The following TRAK1 variants were observed in gnomAD, a reference collection of about 807,000 sequenced individuals.
TRAK1 encodes trafficking kinesin-binding protein 1.
In TRAK1, 33 loss-of-function variants were observed where a neutral mutation model predicts 92.1. That is an observed-to-expected ratio of 0.36 (90% confidence interval 0.27 to 0.48). The LOEUF (loss-of-function observed/expected upper bound fraction) is 0.48, where lower values mean the gene tolerates loss of function less well. Ranked by LOEUF, TRAK1 falls within the 20% of genes least tolerant of loss-of-function variation. TRAK1 has a pLI of 0.99. For synonymous variants in TRAK1, 521 were observed against 517.3 expected, an observed-to-expected ratio of 1.01 and a Z score of -0.10; for missense variants, 1,123 against 1,257.9, an observed-to-expected ratio of 0.89 and a Z score of 1.62.
chr3:42,086,582 G>A (rs1576278973), upstream of TRAK1, among the ~76,000 whole-genome samples: 1 of 152,130 alleles, frequency 6.6e-6, no homozygotes, highest in East Asian at 1.9e-4. Context: ...CTCTCAAGGT[G>A]CTGGGATTAC....
At chr3:42,034,318 G>A (rs1702251413) in intron 1 of TRAK1, among the ~76,000 whole-genome samples, 1 of 152,150 alleles carries the variant, frequency 6.6e-6, no homozygotes, top group Admixed American at 6.5e-5. Context: ...TTGAGACAGA[G>A]TCTCACTGTG....
chr3:42,065,183 T>C (rs956940588), intron 1 of TRAK1, among the ~76,000 whole-genome samples: 1 of 152,152 alleles, frequency 6.6e-6, no homozygotes, highest in Non-Finnish European at 1.5e-5. Flanking sequence ...ACCTGGAAGG[T>C]GGAGGTTGCA....
At chr3:42,080,710 C>T (rs1392333791) in intron 1 of TRAK1, among the ~76,000 whole-genome samples, 2 of 152,304 alleles carry the variant, frequency 1.3e-5, no homozygotes, top group Admixed American at 1.3e-4. Flanking sequence ...AAGATTGTCA[C>T]CTTTGCCCTA....
intron 14 of TRAK1, chr3:42,218,371 T>G: frequency 3.1e-6 from 3 of 975,162 alleles, no homozygotes; most frequent in Non-Finnish European, 3.6e-6. Context: ...CTTTGAATCC[T>G]CATGGCCTCT....
At chr3:42,194,718 G>C in intron 9 of TRAK1, 86 bp from the exon 10 acceptor site, 1 of 1,514,078 alleles carries the variant, frequency 6.6e-7, no homozygotes. Flanking sequence ...TTAGATTGCT[G>C]TGTCTTTCTG....
intron 2 of TRAK1, among the ~76,000 whole-genome samples, chr3:42,129,017 A>C (rs1016337238): frequency 2.6e-5 from 4 of 152,166 alleles, no homozygotes; most frequent in African/African-American, 7.2e-5. Context: ...GAGTTTTTCA[A>C]GTTTTAGATG....
intron 7 of TRAK1, among the ~76,000 whole-genome samples, chr3:42,192,491 G>GTCAAAGTACCAAGTATTTTGCATTTCA (rs1705955833): frequency 1.3e-5 from 2 of 151,788 alleles, no homozygotes; most frequent in South Asian, 2.1e-4. Context: ...TTTGCATTTC[G>GTCAAAGTACCAAGTATTTTGCATTTCA]TCAAAGTACT....
chr3:42,199,397 G>T (rs2149462083), intron 11 of TRAK1, 144 bp downstream of exon 11: 1 of 707,562 alleles, frequency 1.4e-6, no homozygotes, highest in East Asian at 2.7e-5. Context: ...GGAAATAATA[G>T]AACACAGCTG....
chr3:42,027,351 G>A (rs1408012874), intron 1 of TRAK1, among the ~76,000 whole-genome samples: 5 of 151,938 alleles, frequency 3.3e-5, no homozygotes, highest in Non-Finnish European at 7.4e-5. Flanking sequence ...GTGAAACCCC[G>A]TCTCTACTAA....
At chr3:42,199,156 T>C in intron 10 of TRAK1, 21 bp from the exon 11 acceptor site, 1 of 1,613,010 alleles carries the variant, frequency 6.2e-7, no homozygotes, top group Non-Finnish European at 8.5e-7. Context: ...ACTTGACATT[T>C]GTCTTTCTGG....
chr3:42,113,961 C>T (rs1157793916), intron 1 of TRAK1, among the ~76,000 whole-genome samples: 1 of 152,184 alleles, frequency 6.6e-6, no homozygotes, highest in Non-Finnish European at 1.5e-5. Context: ...AAGGAAACCA[C>T]CTCCCCATTA....
intron 2 of TRAK1, among the ~76,000 whole-genome samples, chr3:42,139,672 TTGAG>T (rs1698416799): frequency 6.6e-6 from 1 of 152,188 alleles, no homozygotes; most frequent in Admixed American, 6.5e-5. Flanking sequence ...GATTCCAATG[TTGAG>T]TATTTATTTT....
chr3:42,176,860 C>T lies in TRAK1; in HGVS notation c.333C>T (p.Asp111=), dbSNP rs368078209. ...GCCAGATGACTAAGACATATAATGA[C>T]ATAGATGCTGTCACTCGGCTTCTTG... The part of the protein sequence containing the change: ...RVGQMTKTYN[D]IDAVTRLLEE... The change falls in exon 3 of 16, where the codon GAC becomes GAT. Residue 111 remains aspartate, a synonymous_variant. Transcript: ENST00000327628. 4.3e-6 allele frequency: 7 copies of T among 1,613,930 alleles called. No individual in the cohort carries two copies. Among genetic ancestry groups the T allele is most frequent in the Non-Finnish European group, 5.1e-6 (6 of 1,179,966 alleles).
intron 2 of TRAK1, among the ~76,000 whole-genome samples, chr3:42,158,421 T>G (rs895333255): frequency 8.5e-5 from 13 of 152,288 alleles, no homozygotes; most frequent in Admixed American, 4.6e-4. Flanking sequence ...CACAACACCT[T>G]ATAGATGTGC....
chr3:42,071,203 G>T (rs1389595784), intron 1 of TRAK1, among the ~76,000 whole-genome samples: 1 of 152,220 alleles, frequency 6.6e-6, no homozygotes, highest in African/African-American at 2.4e-5. Flanking sequence ...TGAAAGCCAG[G>T]ACCTAAGGAG....
chr3:42,057,049 C>A (rs1351591217), intron 1 of TRAK1, among the ~76,000 whole-genome samples: 2 of 152,136 alleles, frequency 1.3e-5, no homozygotes, highest in African/African-American at 4.8e-5. Flanking sequence ...CACCTTCTGC[C>A]ACTTTGGCCG....
chr3:42,182,174 A>G (rs540816018), intron 3 of TRAK1, among the ~76,000 whole-genome samples: 25 of 152,224 alleles, frequency 1.6e-4, no homozygotes, highest in African/African-American at 6.0e-4. Flanking sequence ...TTGATGGGGC[A>G]GATGCACCGT....
At chr3:42,203,494 CT>C (rs34602604) in intron 13 of TRAK1, 31,451 of 926,338 alleles carry the variant, frequency 0.034, 111 homozygotes, top group South Asian at 0.084. Context: ...CCTCCTGCCT[CT>C]TTTTTTTTTT....
At chr3:42,028,972 C>G (rs1446615123) in intron 1 of TRAK1, among the ~76,000 whole-genome samples, 3 of 152,100 alleles carry the variant, frequency 2.0e-5, no homozygotes, top group Admixed American at 2.0e-4. Flanking sequence ...GGTTCTACAG[C>G]CTGCACAGGA....
Sources: gnomAD v4.1 joint callset for allele counts (sites outside exome capture counted in the v4.1 genomes callset) on GRCh38, gnomAD v4.1.1 for gene constraint, MANE v1.5 for transcripts, NCBI Gene and HGNC (gene_info 2026-07-23, HGNC 2026-07-21) for gene names.